The following ITGB3 variants were observed in gnomAD, a reference collection of about 807,000 sequenced individuals.
The protein encoded by ITGB3 is integrin subunit beta 3.
A neutral mutation model predicts 85.8 loss-of-function variants in ITGB3; 48 were observed. The observed-to-expected ratio is 0.56, with a 90% CI of 0.44 to 0.71. The LOEUF is 0.71. Among genes scored for constraint, ITGB3 ranks in the 30% least tolerant of loss-of-function variants. The pLI is 0.00. For missense variants in ITGB3, 861 were observed against 1,019.1 expected (o/e 0.84, Z 2.11); for synonymous variants, 363 against 395.6 (o/e 0.92, Z 0.98).
At chr17:47,301,820 A>G (rs2065168334) in intron 12 of ITGB3, among the ~76,000 whole-genome samples, 1 of 152,138 alleles carries the variant, frequency 6.6e-6, no homozygotes, top group Non-Finnish European at 1.5e-5. Context: ...AGTCTCAGGA[A>G]AGTTAAGTAA....
chr17:47,298,357 GCA>G (rs2065153454), intron 10 of ITGB3, among the ~76,000 whole-genome samples: 1 of 152,004 alleles, frequency 6.6e-6, no homozygotes, highest in Non-Finnish European at 1.5e-5. Context: ...TTGTTTAACT[GCA>G]CTGGCCCTCG....
At chr17:47,302,579 A>G in intron 12 of ITGB3, 142 bp from the exon 13 acceptor site, 1 of 959,446 alleles carries the variant, frequency 1.0e-6, no homozygotes, top group South Asian at 1.5e-5. Flanking sequence ...CACAACAGCC[A>G]CCTTGAATCT....
intron 1 of ITGB3, among the ~76,000 whole-genome samples, chr17:47,260,513 TC>T (rs1281680142): frequency 6.6e-6 from 1 of 152,242 alleles, no homozygotes; most frequent in African/African-American, 2.4e-5. Context: ...ACTTAAAAAG[TC>T]CCTGTAGTCA....
At chr17:47,262,313 C>T (rs1018561494) in intron 1 of ITGB3, among the ~76,000 whole-genome samples, 12 of 152,224 alleles carry the variant, frequency 7.9e-5, no homozygotes, top group African/African-American at 2.6e-4. Flanking sequence ...ATAGGGCACC[C>T]CTGGGCTGAG....
chr17:47,277,975 G>C (rs1567762786), intron 2 of ITGB3, among the ~76,000 whole-genome samples: 1 of 152,116 alleles, frequency 6.6e-6, no homozygotes, highest in Non-Finnish European at 1.5e-5. Context: ...TGTTCATCTT[G>C]AGAGTTTTGC....
chr17:47,313,009 T>C lies in ITGB3; in HGVS notation c.*2805T>C, dbSNP rs1431099406. 1.3e-5 allele frequency among the ~76,000 whole-genome samples: 2 copies of C among 152,182 alleles called. No homozygotes were observed. Among genetic ancestry groups the C allele is most frequent in the African/African-American group, 2.4e-5 (1 of 41,436 alleles). ...TTAATTTGAGACAAAGCCTCACTCT[T>C]GTTGCCCAAGCTGGAATGCAATGGC... On this transcript the variant is annotated 3_prime_UTR_variant, in exon 15 of 15. Coordinates refer to ENST00000559488, the MANE Select transcript of ITGB3 (RefSeq NM_000212.3).
intron 10 of ITGB3, among the ~76,000 whole-genome samples, chr17:47,294,977 A>G (rs556300183): frequency 6.6e-6 from 1 of 152,230 alleles, no homozygotes; most frequent in Non-Finnish European, 1.5e-5. Flanking sequence ...CTCATGATCA[A>G]CATTCCTGCC....
rs1162419187 is a variant in ITGB3 at position 47,312,713 on chromosome 17, T to A, written c.*2509T>A. 6.6e-6 allele frequency among the ~76,000 whole-genome samples: 1 copy of A among 152,234 alleles called. No individual in the cohort carries two copies. The highest frequency in any genetic ancestry group is 1.9e-4 in the East Asian group (1 of 5,206). ...GAAGTTCACAGGTCTTGAAGACCAA[T>A]ATTATTTGTCAATATGTGGGGATAA... On this transcript the variant is annotated 3_prime_UTR_variant, in exon 15 of 15. Transcript: ENST00000559488.
chr17:47,300,965 C>T (rs1004777399), intron 12 of ITGB3, among the ~76,000 whole-genome samples: 1 of 152,188 alleles, frequency 6.6e-6, no homozygotes, highest in Non-Finnish European at 1.5e-5. Flanking sequence ...GGCTAGTAAG[C>T]GTTTACCAAG....
intron 12 of ITGB3, among the ~76,000 whole-genome samples, chr17:47,302,296 C>T (rs941073120): frequency 1.3e-5 from 2 of 151,952 alleles, no homozygotes; most frequent in African/African-American, 4.8e-5. Context: ...AAGAGTACAC[C>T]TACTATATGT....
At chr17:47,255,667 G>GC (rs746043745) in intron 1 of ITGB3, among the ~76,000 whole-genome samples, 5 of 150,464 alleles carry the variant, frequency 3.3e-5, no homozygotes, top group African/African-American at 4.9e-5. Flanking sequence ...TGATCAGCCT[G>GC]CCTTGGCCTC....
At chr17:47,271,897 G>A (rs1207936860) in intron 1 of ITGB3, among the ~76,000 whole-genome samples, 1 of 151,770 alleles carries the variant, frequency 6.6e-6, no homozygotes, top group East Asian at 1.9e-4. Flanking sequence ...GGGATCACAG[G>A]CGCCCACCCC....
chr17:47,261,613 G>A (rs2065009079), intron 1 of ITGB3, among the ~76,000 whole-genome samples: 1 of 150,698 alleles, frequency 6.6e-6, no homozygotes, highest in African/African-American at 2.4e-5. Context: ...TCCGCCTCCT[G>A]GGTTCAAGCA....
chr17:47,255,422 T>TG (rs2064985714), intron 1 of ITGB3, among the ~76,000 whole-genome samples: 1 of 152,080 alleles, frequency 6.6e-6, no homozygotes, highest in Admixed American at 6.5e-5. Flanking sequence ...GGATATCTTT[T>TG]TTTGTTTGTT....
intron 10 of ITGB3, among the ~76,000 whole-genome samples, chr17:47,298,479 T>C (rs1273800478): frequency 6.6e-6 from 1 of 152,188 alleles, no homozygotes; most frequent in Non-Finnish European, 1.5e-5. Context: ...CCACCCCATC[T>C]ACCCATACAT....
At chr17:47,306,357 C>G (rs1336220226) in intron 13 of ITGB3, among the ~76,000 whole-genome samples, 1 of 152,234 alleles carries the variant, frequency 6.6e-6, no homozygotes, top group Non-Finnish European at 1.5e-5. Context: ...TCACTATGAC[C>G]TTGACCTCCC....
chr17:47,308,222 C>T (rs1471172220), intron 14 of ITGB3, among the ~76,000 whole-genome samples: 2 of 140,616 alleles, frequency 1.4e-5, no homozygotes, highest in South Asian at 2.2e-4. Flanking sequence ...AAATCAGACT[C>T]TACTCTTTTA....
chr17:47,257,796 A>G (rs1414400359), intron 1 of ITGB3, among the ~76,000 whole-genome samples: 1 of 151,988 alleles, frequency 6.6e-6, no homozygotes, highest in East Asian at 1.9e-4. Flanking sequence ...TCCTGGGAGG[A>G]GCCGTTAGAA....
rs564889104 is a variant in ITGB3 at position 47,294,996 on chromosome 17, CAAG to C, written c.1690+2432_1690+2434del. On this transcript the variant is annotated intron_variant, in intron 10 of 14. Transcript: ENST00000559488. ...TGATCAACATTCCTGCCTCAAACAT[CAAG>C]AAGTGCATCATCCTCAAGGGAGTTT... Among the ~76,000 whole-genome samples, 33 of 152,326 alleles carry C rather than the reference CAAG, an allele frequency of 2.2e-4. No homozygotes were observed. The South Asian group carries it at 6.8e-3, about 32-fold the overall frequency.
Sources: gnomAD v4.1 joint callset for allele counts (sites outside exome capture counted in the v4.1 genomes callset) on GRCh38, gnomAD v4.1.1 for gene constraint, MANE v1.5 for transcripts, NCBI Gene and HGNC (gene_info 2026-07-23, HGNC 2026-07-21) for gene names.